Variants in IMMT observed in about 807,000 individuals in gnomAD.
IMMT encodes MICOS complex subunit MIC60.
In IMMT, 40 loss-of-function variants were observed where a neutral mutation model predicts 92.7. The ratio of observed to expected loss-of-function variants is 0.43; its 90% CI spans 0.34 to 0.56. The LOEUF (loss-of-function observed/expected upper bound fraction) is 0.56, where lower values mean the gene tolerates loss of function less well. Among genes scored for constraint, IMMT ranks in the 20% least tolerant of loss-of-function variants. The pLI is 0.03. For synonymous variants in IMMT, 322 were observed against 336.1 expected, an observed-to-expected ratio of 0.96 and a Z score of 0.46; for missense variants, 831 against 912.1, an observed-to-expected ratio of 0.91 and a Z score of 1.14.
chr2:86,155,228 G>A (rs1383079283), intron 10 of IMMT, among the ~76,000 whole-genome samples: 1 of 151,944 alleles, frequency 6.6e-6, no homozygotes, highest in East Asian at 1.9e-4. Context: ...TCATCCAAGG[G>A]GCTCTGAACA....
intron 10 of IMMT, among the ~76,000 whole-genome samples, chr2:86,157,706 T>C (rs1675945074): frequency 6.7e-6 from 1 of 149,624 alleles, no homozygotes; most frequent in African/African-American, 2.5e-5. Context: ...GAGAATTGCT[T>C]GAACGTGGGA....
chr2:86,175,946 C>T (rs1172216314), intron 3 of IMMT, among the ~76,000 whole-genome samples: 14 of 152,054 alleles, frequency 9.2e-5, no homozygotes, highest in Admixed American at 9.2e-4. Context: ...ACAGTGCCTG[C>T]AGCATAATAA....
chr2:86,147,789 C>T lies in IMMT; in HGVS notation c.1446G>A (p.Gln482=), dbSNP rs765161447. 1.2e-6 allele frequency: 2 copies of T among 1,613,954 alleles called. No individual in the cohort carries two copies. Among genetic ancestry groups the T allele is most frequent in the Non-Finnish European group, 1.7e-6 (2 of 1,179,834 alleles). Residue 482 remains glutamine (Q), a synonymous_variant, in exon 13 of 15, where the codon CAG becomes CAA. Transcript: ENST00000410111. ...RDAMENEMRT[Q]LRRQAAAHTD... ...TGTGGGCAGCTGCCTGTCGGCGAAG[C>T]TGGGTTCTCATTTCATTTTCCATGG...
At chr2:86,186,095 T>A (rs1438628268) in intron 1 of IMMT, among the ~76,000 whole-genome samples, 1 of 152,220 alleles carries the variant, frequency 6.6e-6, no homozygotes, top group Non-Finnish European at 1.5e-5. Flanking sequence ...ATAATTTGTC[T>A]CTTTAGTTTA....
chr2:86,178,769 A>T (rs1433073872), intron 3 of IMMT, among the ~76,000 whole-genome samples: 1 of 152,156 alleles, frequency 6.6e-6, no homozygotes, highest in Non-Finnish European at 1.5e-5. Context: ...TTTTTAAAAA[A>T]TTGCACCTGA....
intron 10 of IMMT, 90 bp downstream of exon 10, chr2:86,158,502 A>T: frequency 9.5e-7 from 1 of 1,057,864 alleles, no homozygotes; most frequent in Non-Finnish European, 1.4e-6. Flanking sequence ...TGCCAGAGGG[A>T]TGTGGACTAC....
At chr2:86,152,003 C>T (rs1006070649) in intron 11 of IMMT, among the ~76,000 whole-genome samples, 14 of 152,124 alleles carry the variant, frequency 9.2e-5, no homozygotes, top group Non-Finnish European at 2.9e-5. Flanking sequence ...AGATTAAATC[C>T]CAACACAGCA....
intron 4 of IMMT, among the ~76,000 whole-genome samples, chr2:86,171,959 A>ATTTT (rs869190735): frequency 2.2e-4 from 9 of 40,180 alleles, no homozygotes; most frequent in East Asian, 4.2e-4. Flanking sequence ...TGTGTAGTAT[A>ATTTT]TTTTTTTTTT....
At position 86,144,602 on chromosome 2, in the gene IMMT, A is replaced by G. The variant is rs752171403; in HGVS notation, c.1943T>C (p.Ile648Thr). 1.9e-6 allele frequency: 3 copies of G among 1,614,012 alleles called. No individual in the cohort carries two copies. The highest frequency in any genetic ancestry group is 2.7e-5 in the African/African-American group (2 of 75,046). Residue 648 changes from isoleucine (I) to threonine (T), a missense_variant, in exon 15 of 15, where the codon ATT (isoleucine) becomes ACT (threonine). Physicochemically the swap from Ile to Thr is moderately conservative, Grantham distance 89 (BLOSUM62 -1). Coordinates refer to ENST00000410111, the MANE Select transcript of IMMT (RefSeq NM_006839.3). ...VQKLARRVAM[I>T]DETRNSLYQY... The stretch of plus-strand genomic sequence containing the variant: ...GTACAAGCTATTTCTGGTTTCATCA[A>G]TCATTGCTACCCTTCGGGCCAGTTT...
chr2:86,170,620 C>T, intron 6 of IMMT, 129 bp downstream of exon 6: 1 of 630,046 alleles, frequency 1.6e-6, no homozygotes, highest in Non-Finnish European at 2.8e-6. Context: ...AGCAATGCCA[C>T]TAAAAAACAA....
intron 8 of IMMT, among the ~76,000 whole-genome samples, chr2:86,160,523 CATA>C (rs1217133909): frequency 6.6e-6 from 1 of 152,190 alleles, no homozygotes; most frequent in Non-Finnish European, 1.5e-5. Context: ...GTGATATGAG[CATA>C]ATGCCTTAAA....
chr2:86,155,531 G>A (rs1159333979), intron 10 of IMMT, among the ~76,000 whole-genome samples: 5 of 152,168 alleles, frequency 3.3e-5, no homozygotes, highest in African/African-American at 1.2e-4. Context: ...TAATATATGT[G>A]AAGCACTTAG....
intron 6 of IMMT, among the ~76,000 whole-genome samples, chr2:86,169,251 G>A (rs1225396836): frequency 1.3e-5 from 2 of 151,984 alleles, no homozygotes; most frequent in African/African-American, 4.8e-5. Context: ...GATAAAGAGA[G>A]AAAAGTGAAA....
rs748873623 is a variant in IMMT, at chr2:86,170,778, T to A, written c.626A>T (p.Gln209Leu). Residue 209 changes from glutamine (Q) to leucine (L), a missense_variant, in exon 6 of 15, where the codon CAG becomes CTG. Coordinates refer to ENST00000410111, the MANE Select transcript of IMMT (RefSeq NM_006839.3). ...PEEVAARLAQ[Q>L]EKQEQVKIES... ...AATTTTAACTTGTTCTTGTTTTTCCTGTTGTGCAAGGCGAGCTGCAACTTC... is the reference window on the plus strand; with the variant it reads ...AATTTTAACTTGTTCTTGTTTTTCCAGTTGTGCAAGGCGAGCTGCAACTTC... 1 of 1,587,594 alleles carries A rather than the reference T, an allele frequency of 6.3e-7. No individual in the cohort carries two copies.
chr2:86,181,913 T>G (rs1303172674), intron 1 of IMMT, among the ~76,000 whole-genome samples: 1 of 152,164 alleles, frequency 6.6e-6, no homozygotes, highest in Non-Finnish European at 1.5e-5. Flanking sequence ...GATTTTTGGT[T>G]TATCTTAGCA....
intron 9 of IMMT, 22 bp from the exon 10 acceptor site, chr2:86,158,743 G>A: frequency 6.4e-7 from 1 of 1,567,708 alleles, no homozygotes; most frequent in South Asian, 1.2e-5. Flanking sequence ...CACAGGGTAT[G>A]TGATTAAATT....
chr2:86,150,264 CA>C (rs2104650447), intron 12 of IMMT, among the ~76,000 whole-genome samples: 1 of 152,296 alleles, frequency 6.6e-6, no homozygotes, highest in African/African-American at 2.4e-5. Context: ...TGGAGATAGA[CA>C]TTTATCAGGT....
intron 10 of IMMT, among the ~76,000 whole-genome samples, chr2:86,154,176 CT>C (rs564650860): frequency 8.1e-4 from 110 of 136,044 alleles, no homozygotes; most frequent in East Asian, 1.4e-3. Flanking sequence ...CTAAACATTT[CT>C]TTTTTTTTTT....
chr2:86,186,520 T>C (rs1672782813), intron 1 of IMMT, among the ~76,000 whole-genome samples: 1 of 152,206 alleles, frequency 6.6e-6, no homozygotes, highest in Non-Finnish European at 1.5e-5. Flanking sequence ...GGATACAGCT[T>C]CTACCTAGCT....
Sources: allele counts gnomAD v4.1 joint callset (sites outside exome capture counted in the v4.1 genomes callset), GRCh38; gene constraint gnomAD v4.1.1; transcripts MANE v1.5; gene names NCBI Gene and HGNC (gene_info 2026-07-23, HGNC 2026-07-21).